Variants in SLC4A1 observed in about 807,000 individuals in gnomAD.
The protein encoded by SLC4A1 is solute carrier family 4 member 1 (Diego blood group).
In SLC4A1, 29 loss-of-function variants were observed where a neutral mutation model predicts 93.1. The observed-to-expected ratio is 0.31, with a 90% CI of 0.23 to 0.42. The LOEUF (loss-of-function observed/expected upper bound fraction) is 0.42, where lower values mean the gene tolerates loss of function less well. Ranked by LOEUF, SLC4A1 falls within the 20% of genes least tolerant of loss-of-function variation. The probability of loss-of-function intolerance (pLI) is 1.00; values close to 1 mark genes in which losing one functional copy is unlikely to be tolerated. For synonymous variants in SLC4A1, 469 were observed against 497.2 expected, an observed-to-expected ratio of 0.94 and a Z score of 0.76; for missense variants, 965 against 1,190.1, an observed-to-expected ratio of 0.81 and a Z score of 2.78.
rs772584578 is a variant in SLC4A1 at position 44,250,428 on chromosome 17, G to A, written c.*30C>T. On this transcript the variant is annotated 3_prime_UTR_variant, in exon 20 of 20. Coordinates refer to ENST00000262418, the MANE Select transcript of SLC4A1 (RefSeq NM_000342.4). ...TTGGAAGGTGGGGATGTGGAATGGT[G>A]GGGGAGGGTCTAGGGCCTGGGCCCG... 1.9e-6 allele frequency: 3 copies of A among 1,560,788 alleles called. No individual in the cohort carries two copies. Among genetic ancestry groups the A allele is most frequent in the East Asian group, 2.2e-5 (1 of 44,608 alleles).
intron 4 of SLC4A1, 128 bp from the exon 5 acceptor site, chr17:44,260,943 G>T (rs1485281988): frequency 1.3e-5 from 13 of 1,029,214 alleles, no homozygotes; most frequent in Non-Finnish European, 1.8e-5. Context: ...CGTAGATACG[G>T]CTCACACCAC....
At chr17:44,257,324 G>T in intron 13 of SLC4A1, 26 bp downstream of exon 13, 2 of 1,606,028 alleles carry the variant, frequency 1.2e-6, no homozygotes, top group Non-Finnish European at 1.7e-6. Flanking sequence ...CCTCCCGTGT[G>T]CATTAACATC....
At position 44,250,450 on chromosome 17, in the gene SLC4A1, C is replaced by T. The variant is rs752552308; in HGVS notation, c.*8G>A. ...GGTGGGGGAGGGTCTAGGGCCTGGGCCCGCCCCTCACACAGGCATGGCCAC... is the reference window on the plus strand; with the variant it reads ...GGTGGGGGAGGGTCTAGGGCCTGGGTCCGCCCCTCACACAGGCATGGCCAC... On this transcript the variant is annotated 3_prime_UTR_variant, in exon 20 of 20. Coordinates refer to ENST00000262418, the MANE Select transcript of SLC4A1 (RefSeq NM_000342.4). 4.3e-6 allele frequency: 7 copies of T among 1,611,038 alleles called. No individual in the cohort carries two copies. Among genetic ancestry groups the T allele is most frequent in the Admixed American group, 3.3e-5 (2 of 59,996 alleles).
chr17:44,263,664 G>A lies in SLC4A1; in HGVS notation c.-68-730C>T, dbSNP rs76023664. Among the ~76,000 whole-genome samples the A allele has an allele frequency of 2.5e-3, 362 of 146,648 alleles. 6 individuals are homozygous for A. The highest frequency in any genetic ancestry group is 0.021 in the Admixed American group (320 of 15,076). On this transcript the variant is annotated intron_variant, in intron 1 of 19. Coordinates refer to ENST00000262418, the MANE Select transcript of SLC4A1 (RefSeq NM_000342.4). ...CCTGGCCACCACCTTGACCCAATCT[G>A]TCATGTTCTGGTTTCTTTTCCCTCC...
rs373612857 is a variant in SLC4A1 at position 44,257,346 on chromosome 17, C to T, written c.1626+4G>A. The T allele has an allele frequency of 1.4e-5, 23 of 1,613,682 alleles. No homozygotes were observed. In the African/African-American group the frequency reaches 2.9e-4, roughly 21 times the overall value. ...TGTGCATTAACATCCCCATAGGCCC[C>T]CACCTTGATCAGCTTGGAGAAAGTC... is the stretch of plus-strand genomic sequence containing the variant. On this transcript the variant is annotated splice_donor_region_variant and intron_variant, in intron 13 of 19. Transcript: ENST00000262418.
rs1426998084 is a variant in SLC4A1, at chr17:44,254,753, G to A, written c.1891-91C>T. 9.6e-6 allele frequency: 12 copies of A among 1,251,704 alleles called. No individual in the cohort carries two copies. The Admixed American group carries it at 1.8e-4, about 18-fold the overall frequency. The allele number at this position is 1,251,704 out of a possible 1,614,324, so 77.5% of individuals were successfully genotyped here. ...GAGCCAGGGTCCTAGGGGTCGGGCA[G>A]TTAGGTTGGAGGCACTTGGGAACTT... On this transcript the variant is annotated intron_variant, in intron 15 of 19. Coordinates refer to ENST00000262418, the MANE Select transcript of SLC4A1 (RefSeq NM_000342.4).
chr17:44,258,668 G>C lies in SLC4A1; in HGVS notation c.877-45C>G, dbSNP rs901962550. The C allele has an allele frequency of 3.2e-6, 5 of 1,542,772 alleles. No individual in the cohort carries two copies. Among genetic ancestry groups the C allele is most frequent in the Non-Finnish European group, 4.4e-6 (5 of 1,140,554 alleles). On this transcript the variant is annotated intron_variant, in intron 9 of 19. Coordinates refer to ENST00000262418, the MANE Select transcript of SLC4A1 (RefSeq NM_000342.4). The surrounding 1 kb of genome is among the most constrained non-coding windows in gnomAD (Gnocchi z 6.1). The stretch of plus-strand genomic sequence containing the variant: ...TCAGAGCTGCCCGGACCTGCGGAGG[G>C]AAAGGACCCAGGAGTCCACAGCCAG...
At position 44,262,638 on chromosome 17, in the gene SLC4A1, G is replaced by A; in HGVS notation, c.104C>T (p.Ala35Val). ...DIPESQMEEP[A>V]AHDTEATATD... ...CTGAGGGAGGGAGAGGGGCTCACCT[G>A]CCGGCTCCTCCATCTGGGACTCGGG... is the stretch of plus-strand genomic sequence containing the variant. Residue 35 changes from alanine to valine, a missense_variant and splice_region_variant, in exon 3 of 20, where the codon GCA becomes GTA. Ala to Val is a moderately conservative substitution (Grantham distance 64, BLOSUM62 0). This residue lies in a region of SLC4A1 where 195 missense variants were observed against 183.5 expected (regional missense o/e 1.06). Transcript: ENST00000262418. 1 of 1,608,774 alleles carries A rather than the reference G, an allele frequency of 6.2e-7. No individual in the cohort carries two copies. The highest frequency in any genetic ancestry group is 8.5e-7 in the Non-Finnish European group (1 of 1,176,876).
At position 44,251,191 on chromosome 17, in the gene SLC4A1, G is replaced by A; in HGVS notation, c.2623C>T (p.Pro875Ser). 1 of 1,611,606 alleles carries A rather than the reference G, an allele frequency of 6.2e-7. No individual in the cohort carries two copies. Among genetic ancestry groups the A allele is most frequent in the Non-Finnish European group, 8.5e-7 (1 of 1,179,006 alleles). The change falls in exon 19 of 20, where the codon CCG becomes TCG. Residue 875 changes from proline (P) to serine (S), a missense_variant. By Grantham distance (74) the Pro-to-Ser change is moderately conservative (BLOSUM62 -1). Transcript: ENST00000262418. Reference protein sequence around the residue: ...LTVPLRRVLLPLIFRNVELQC... With the variant: ...LTVPLRRVLLSLIFRNVELQC... Reference sequence around the variant, plus strand: ...AGCTCCACGTTCCTGAAGATGAGCGGCAGCAGGACGCGCCGCAGCGGCACA... The same window carrying A: ...AGCTCCACGTTCCTGAAGATGAGCGACAGCAGGACGCGCCGCAGCGGCACA...
In SLC4A1 at chr17:44,250,327, C is replaced by G. The variant is rs1598294638; in HGVS notation, c.*131G>C. 1.3e-6 allele frequency: 1 copy of G among 774,532 alleles called. No homozygotes were observed. The highest frequency in any genetic ancestry group is 2.6e-5 in the East Asian group (1 of 38,008). The allele number at this position is 774,532 out of a possible 1,614,324, so 48.0% of individuals were successfully genotyped here. On this transcript the variant is annotated 3_prime_UTR_variant, in exon 20 of 20. Transcript: ENST00000262418. ...CCTGGACACGCCTTCCTTCCCCACC[C>G]ACAGCCCTGGGGCCTCAGCTGCTGC...
At chr17:44,254,465 T>TAC in intron 16 of SLC4A1, 31 bp downstream of exon 16, 1 of 677,718 alleles carries the variant, frequency 1.5e-6, no homozygotes, top group Non-Finnish European at 2.6e-6. Flanking sequence ...CCTCCCACCC[T>TAC]CCCAGGCCCA....
At chr17:44,263,719 TTCCTTC>T (rs2047470703) in intron 1 of SLC4A1, among the ~76,000 whole-genome samples, 1 of 143,672 alleles carries the variant, frequency 7.0e-6, no homozygotes, top group African/African-American at 2.8e-5. Context: ...CCTTCCTTCC[TTCCTTC>T]CTTCCTTCCT....
In SLC4A1 at chr17:44,262,841, G is replaced by T. The variant is rs1382288136; in HGVS notation, c.15+11C>A. 6.2e-7 allele frequency: 1 copy of T among 1,613,748 alleles called. No individual in the cohort carries two copies. Among genetic ancestry groups the T allele is most frequent in the Non-Finnish European group, 8.5e-7 (1 of 1,179,748 alleles). On this transcript the variant is annotated intron_variant, in intron 2 of 19. Coordinates refer to ENST00000262418, the MANE Select transcript of SLC4A1 (RefSeq NM_000342.4). ...CAGGTGGGAGCACTGCTGATGCCAGGGAACACCCACCTGCAGCTCCTCCAT... is the reference window on the plus strand; with the variant it reads ...CAGGTGGGAGCACTGCTGATGCCAGTGAACACCCACCTGCAGCTCCTCCAT...
chr17:44,266,730 T>A (rs1203565996), intron 1 of SLC4A1, among the ~76,000 whole-genome samples: 1 of 152,146 alleles, frequency 6.6e-6, no homozygotes, highest in African/African-American at 2.4e-5. Context: ...GATAAGGGCC[T>A]GGACCCAGAT....
Position 44,249,460 on chromosome 17 carries a change from G to A in SLC4A1, c.*998C>T, listed in dbSNP as rs1407733726. The stretch of plus-strand genomic sequence containing the variant: ...AAATTACAAACCCCCTCACTCTCCC[G>A]CCCCTACCTTCCCACCCTCCCCCAC... On this transcript the variant is annotated 3_prime_UTR_variant, in exon 20 of 20. Coordinates refer to ENST00000262418, the MANE Select transcript of SLC4A1 (RefSeq NM_000342.4). 8.9e-6 allele frequency: 2 copies of A among 224,242 alleles called. No homozygotes were observed. The highest frequency in any genetic ancestry group is 3.6e-5 in the South Asian group (1 of 27,724). 13.9% of individuals were successfully genotyped at this position (224,242 alleles called of 1,614,324 possible).
At chr17:44,255,088 T>G in intron 15 of SLC4A1, 119 bp downstream of exon 15, 1 of 735,114 alleles carries the variant, frequency 1.4e-6, no homozygotes, top group Non-Finnish European at 2.4e-6. Context: ...AGGGATGGGG[T>G]AGAGGTAGTC....
intron 1 of SLC4A1, among the ~76,000 whole-genome samples, chr17:44,266,635 A>T (rs894057498): frequency 1.3e-5 from 2 of 152,144 alleles, no homozygotes; most frequent in Non-Finnish European, 2.9e-5. Flanking sequence ...GCTCAGTTGG[A>T]GACTTACAGG....
rs57466226 is a variant in SLC4A1 at position 44,248,849 on chromosome 17, GTTTTT to G, written c.*1604_*1608del. ...GCCCCCAAGGCTGATGTTTCCTTCC[GTTTTT>G]TTTTTTTTTTTTTTTTTTTTTTTGA... On this transcript the variant is annotated 3_prime_UTR_variant, in exon 20 of 20. Coordinates refer to ENST00000262418, the MANE Select transcript of SLC4A1 (RefSeq NM_000342.4). 8 of 71,756 alleles carry G rather than the reference GTTTTT, an allele frequency of 1.1e-4. No homozygotes were observed. Among genetic ancestry groups the G allele is most frequent in the South Asian group, 2.9e-4 (1 of 3,442 alleles). 4.4% of individuals were successfully genotyped at this position (71,756 alleles called of 1,614,324 possible).
At chr17:44,255,039 C>A (rs2144606278) in intron 15 of SLC4A1, among the ~76,000 whole-genome samples, 168 bp downstream of exon 15, 1 of 152,122 alleles carries the variant, frequency 6.6e-6, no homozygotes, top group Middle Eastern at 3.4e-3. Flanking sequence ...CAGGGGTCCT[C>A]TGGGGCTGTG....
Sources: allele counts gnomAD v4.1 joint callset (sites outside exome capture counted in the v4.1 genomes callset), GRCh38; gene constraint gnomAD v4.1.1; regional missense constraint gnomAD v4.1.1; non-coding constraint Gnocchi (gnomAD v3.1); transcripts MANE v1.5; gene names NCBI Gene and HGNC (gene_info 2026-07-23, HGNC 2026-07-21).